ATM: variants seen among roughly 807,000 people sequenced by gnomAD.
ATM encodes ATM serine/threonine kinase, also known as serine-protein kinase ATM.
Under a neutral mutation model 387.0 loss-of-function variants are expected in ATM, and 308 were observed. The observed-to-expected ratio is 0.80, with a 90% CI of 0.73 to 0.87. ATM has a LOEUF of 0.87. Ranked by LOEUF, ATM falls within the 40% of genes least tolerant of loss-of-function variation. ATM has a pLI of 0.00. For missense variants in ATM, 3,312 were observed against 3,560.9 expected (o/e 0.93, Z 1.78); for synonymous variants, 1,156 against 1,187.3 (o/e 0.97, Z 0.54).
intron 26 of ATM, among the ~76,000 whole-genome samples, chr11:108,285,891 T>A (rs914986720): frequency 6.6e-6 from 1 of 152,212 alleles, no homozygotes; most frequent in Non-Finnish European, 1.5e-5. Flanking sequence ...CTTAATGTAT[T>A]CAAACCAAAA....
intron 8 of ATM, among the ~76,000 whole-genome samples, chr11:108,247,527 A>C (rs1265340119): frequency 6.6e-6 from 1 of 152,122 alleles, no homozygotes; most frequent in Non-Finnish European, 1.5e-5. Flanking sequence ...TGAGTTGTAC[A>C]TTTCAGTGGT....
intron 30 of ATM, 92 bp downstream of exon 30, chr11:108,292,885 G>T: frequency 6.9e-7 from 1 of 1,446,574 alleles, no homozygotes; most frequent in Non-Finnish European, 9.6e-7. Flanking sequence ...TGGTATAATT[G>T]GTGATTTTAT....
intron 4 of ATM, chr11:108,230,834 T>C (rs990850872): frequency 6.6e-6 from 1 of 152,346 alleles, no homozygotes; most frequent in African/African-American, 2.4e-5. Context: ...CCCAAGTAGC[T>C]GGGACTATAG....
chr11:108,348,909 T>C (rs1268523690), intron 59 of ATM, among the ~76,000 whole-genome samples: 1 of 152,222 alleles, frequency 6.6e-6, no homozygotes, highest in African/African-American at 2.4e-5. Context: ...GAAGCTGGTT[T>C]GGTTACTAAC....
At chr11:108,282,183 A>G (rs1288383270) in intron 24 of ATM, among the ~76,000 whole-genome samples, 1 of 150,540 alleles carries the variant, frequency 6.6e-6, no homozygotes, top group South Asian at 2.1e-4. Flanking sequence ...ACTGGAGTGC[A>G]GTGGCATGAT....
intron 16 of ATM, 107 bp downstream of exon 16, chr11:108,259,182 A>C: frequency 1.0e-6 from 1 of 980,552 alleles, no homozygotes; most frequent in Admixed American, 2.0e-5. Flanking sequence ...TATAGCTCTT[A>C]ACATTTTTAC....
chr11:108,352,015 C>A (rs1399976914), intron 59 of ATM, among the ~76,000 whole-genome samples: 1 of 152,106 alleles, frequency 6.6e-6, no homozygotes, highest in Non-Finnish European at 1.5e-5. Context: ...TCTGCCCTTA[C>A]CTAGCAGTAA....
chr11:108,303,372 A>T (rs2083524860), intron 36 of ATM, among the ~76,000 whole-genome samples: 1 of 152,120 alleles, frequency 6.6e-6, no homozygotes, highest in Admixed American at 6.5e-5. Flanking sequence ...TGCTTTCTTG[A>T]ATAAGAAAAA....
At chr11:108,357,771 T>C (rs1261852782) in intron 61 of ATM, among the ~76,000 whole-genome samples, 17 of 151,130 alleles carry the variant, frequency 1.1e-4, no homozygotes, top group East Asian at 7.9e-4. Flanking sequence ...ACAGAAAGGA[T>C]ATCCACACCA....
rs587781927 is a variant in ATM at position 108,293,479 on chromosome 11, T to A, written c.4776+2T>A. The A allele has an allele frequency of 1.2e-6, 2 of 1,607,356 alleles. No homozygotes were observed. The highest frequency in any genetic ancestry group is 4.5e-5 in the East Asian group (2 of 44,686). ...AGAGGACCCTTTTCACTCTTGGAGG[T>A]AATAAAAATTTCATCATCTACTATT... On this transcript the variant is annotated splice_donor_variant, in intron 31 of 62. Transcript: ENST00000675843. LOFTEE classifies it high-confidence loss of function.
intron 6 of ATM, 92 bp downstream of exon 6, chr11:108,244,210 T>A: frequency 7.0e-7 from 1 of 1,432,402 alleles, no homozygotes; most frequent in Non-Finnish European, 9.7e-7. Flanking sequence ...AATTCTACCT[T>A]AAAATAAAAC....
rs587779854 is a variant in ATM at position 108,317,406 on chromosome 11, T to C, written c.6232T>C (p.Ser2078Pro). 2 of 1,612,438 alleles carry C rather than the reference T, an allele frequency of 1.2e-6. No individual in the cohort carries two copies. Among genetic ancestry groups the C allele is most frequent in the African/African-American group, 1.3e-5 (1 of 74,734 alleles). ...LQNLGLCHIL[S>P]VYLKGLDYEN... ...GAATTTGGGACTCTGCCATATTCTT[T>C]CCGTCTATTTAAAAGGATTGGATTA... is the stretch of plus-strand genomic sequence containing the variant. The change falls in exon 43 of 63, where the codon TCC (serine) becomes CCC (proline). Residue 2078 changes from serine to proline, a missense_variant. Coordinates refer to ENST00000675843, the MANE Select transcript of ATM (RefSeq NM_000051.4).
chr11:108,294,266 ATATCT>A (rs781447988), intron 31 of ATM, among the ~76,000 whole-genome samples: 1 of 152,200 alleles, frequency 6.6e-6, no homozygotes, highest in Non-Finnish European at 1.5e-5. Flanking sequence ...TCTTCCATAC[ATATCT>A]TAATTATAAT....
intron 5 of ATM, among the ~76,000 whole-genome samples, chr11:108,242,814 C>T (rs1247395356): frequency 6.6e-6 from 1 of 152,184 alleles, no homozygotes; most frequent in Non-Finnish European, 1.5e-5. Context: ...TGAAGGTAGT[C>T]TGGCTACCAT....
At chr11:108,357,165 G>C (rs1252252811) in intron 61 of ATM, among the ~76,000 whole-genome samples, 1 of 152,210 alleles carries the variant, frequency 6.6e-6, no homozygotes, top group African/African-American at 2.4e-5. Flanking sequence ...CCCTTTCCTA[G>C]TCAAAGAAAG....
chr11:108,368,540 A>T lies in ATM; in HGVS notation c.*3032A>T. Reference sequence around the variant, plus strand: ...GAGAAATAAGTTGTCCAAGGCAAGAAGATAGTAAATTATAAGTACAAGTGT... The same window carrying T: ...GAGAAATAAGTTGTCCAAGGCAAGATGATAGTAAATTATAAGTACAAGTGT... On this transcript the variant is annotated 3_prime_UTR_variant, in exon 63 of 63. Coordinates refer to ENST00000675843, the MANE Select transcript of ATM (RefSeq NM_000051.4). 4.6e-6 allele frequency: 1 copy of T among 217,444 alleles called. No homozygotes were observed. Among genetic ancestry groups the T allele is most frequent in the Non-Finnish European group, 9.2e-6 (1 of 108,208 alleles). The allele number at this position is 217,444 out of a possible 1,614,324, so 13.5% of individuals were successfully genotyped here. A position where few individuals can be genotyped will look rare whatever the true frequency, so the allele number is the denominator to read the frequency against.
At chr11:108,265,531 T>C (rs1237836412) in intron 16 of ATM, among the ~76,000 whole-genome samples, 1 of 151,206 alleles carries the variant, frequency 6.6e-6, no homozygotes, top group East Asian at 1.9e-4. Flanking sequence ...ATAAAAACCC[T>C]AGAAGAAAAC....
intron 38 of ATM, 52 bp downstream of exon 38, chr11:108,308,036 TAA>T (rs755707669): frequency 4.7e-6 from 7 of 1,496,398 alleles, no homozygotes; most frequent in Middle Eastern, 1.7e-4. Context: ...TGTAACTTGT[TAA>T]CTATCGGCTG....
chr11:108,305,275 A>G (rs1411503381), intron 37 of ATM, among the ~76,000 whole-genome samples: 1 of 152,190 alleles, frequency 6.6e-6, no homozygotes, highest in Non-Finnish European at 1.5e-5. Context: ...GCTCTGGCCA[A>G]CTCAATTTAA....
Sources: gnomAD v4.1 joint callset for allele counts (sites outside exome capture counted in the v4.1 genomes callset) on GRCh38, gnomAD v4.1.1 for gene constraint, MANE v1.5 for transcripts, NCBI Gene and HGNC (gene_info 2026-07-23, HGNC 2026-07-21) for gene names.